Variants in RIMS2 observed in about 807,000 individuals in gnomAD.
The protein encoded by RIMS2 is regulating synaptic membrane exocytosis 2.
Under a neutral mutation model 174.4 loss-of-function variants are expected in RIMS2, and 59 were observed. The observed-to-expected ratio is 0.34, with a 90% CI of 0.27 to 0.42. The LOEUF (loss-of-function observed/expected upper bound fraction) is 0.42. RIMS2 is among the 10% of genes least tolerant of loss of function. The pLI, the probability that RIMS2 is intolerant of heterozygous loss-of-function variation, is 1.00. For missense variants in RIMS2, 1,620 were observed against 1,666.3 expected (o/e 0.97, Z 0.48); for synonymous variants, 606 against 572.5 (o/e 1.06, Z -0.84).
At position 103,967,170 on chromosome 8, in the gene RIMS2, G is replaced by GTTTTTTTTTTTTTTTT. The variant is rs71575988; in HGVS notation, c.2770+6052_2770+6067dup. ...TTTTCTGCCTGCTTGATCTGTTCTT[G>GTTTTTTTTTTTTTTTT]TTTTTTTTTTTTTTTTTTTTTTTTT... On this transcript the variant is annotated intron_variant, in intron 15 of 23. Transcript: ENST00000504942. Among the ~76,000 whole-genome samples the GTTTTTTTTTTTTTTTT allele has an allele frequency of 1.0e-3, 25 of 24,964 alleles. 5 individuals are homozygous for GTTTTTTTTTTTTTTTT. The highest frequency in any genetic ancestry group is 3.0e-3 in the African/African-American group (14 of 4,738). The allele number at this position is 24,964 out of a possible 152,430, so 16.4% of individuals were successfully genotyped here. A position where few individuals can be genotyped will look rare whatever the true frequency, so the allele number is the denominator to read the frequency against.
At chr8:103,970,585 TG>T in intron 15 of RIMS2, among the ~76,000 whole-genome samples, 1 of 152,196 alleles carries the variant, frequency 6.6e-6, no homozygotes, top group East Asian at 1.9e-4. Context: ...CTCTCAGACT[TG>T]TTCTTAACTG....
chr8:104,252,170 A>C (rs974092032), downstream of RIMS2: 4 of 268,588 alleles, frequency 1.5e-5, no homozygotes, highest in African/African-American at 8.8e-5. Flanking sequence ...CTTTTTCTTC[A>C]TTTATCTAAC....
chr8:103,542,297 T>C (rs1356276043), intron 1 of RIMS2, among the ~76,000 whole-genome samples: 1 of 152,052 alleles, frequency 6.6e-6, no homozygotes, highest in Non-Finnish European at 1.5e-5. Flanking sequence ...CATGAAGAAA[T>C]AGAAAAGCTA....
At chr8:103,536,533 C>T (rs1587041353) in intron 1 of RIMS2, among the ~76,000 whole-genome samples, 2 of 152,090 alleles carry the variant, frequency 1.3e-5, no homozygotes, top group Non-Finnish European at 2.9e-5. Flanking sequence ...TCAGGCTGTA[C>T]AGGAAGCATG....
chr8:103,546,569 C>T (rs995736809), intron 1 of RIMS2, among the ~76,000 whole-genome samples: 1 of 152,208 alleles, frequency 6.6e-6, no homozygotes, highest in Admixed American at 6.5e-5. Flanking sequence ...CCAAAACCAA[C>T]AGAATATACA....
chr8:103,910,611 A>C, intron 5 of RIMS2, 82 bp downstream of exon 8: 1 of 773,252 alleles, frequency 1.3e-6, no homozygotes, highest in Non-Finnish European at 2.1e-6. Flanking sequence ...ACAGAACATA[A>C]TAAAAGGACA....
intron 3 of RIMS2, among the ~76,000 whole-genome samples, chr8:103,785,977 C>A (rs1238634816): frequency 6.6e-6 from 1 of 152,200 alleles, no homozygotes; most frequent in Non-Finnish European, 1.5e-5. Flanking sequence ...AGAGATTCAA[C>A]TTCTTCCTGG....
At chr8:103,520,398 C>T (rs1831073098) in intron 1 of RIMS2, among the ~76,000 whole-genome samples, 1 of 152,096 alleles carries the variant, frequency 6.6e-6, no homozygotes, top group South Asian at 2.1e-4. Context: ...TTAAATTCAT[C>T]TGAGTATTTG....
chr8:103,903,037 T>C (rs1192981806), intron 4 of RIMS2, among the ~76,000 whole-genome samples: 4 of 152,098 alleles, frequency 2.6e-5, no homozygotes, highest in Middle Eastern at 3.2e-3. Context: ...AAAAGAGTCA[T>C]AGTTAAATGT....
At chr8:104,236,033 C>G (rs997849175) in intron 19 of RIMS2, among the ~76,000 whole-genome samples, 2 of 151,222 alleles carry the variant, frequency 1.3e-5, no homozygotes, top group Admixed American at 1.3e-4. Context: ...AGAATCCAGA[C>G]AAAACTGTCT....
chr8:103,910,565 C>A, intron 5 of RIMS2, 36 bp downstream of exon 8: 2 of 1,298,464 alleles, frequency 1.5e-6, no homozygotes, highest in South Asian at 1.2e-5. Context: ...TTAACCTGCT[C>A]ATTTGGTCTT....
chr8:103,599,627 G>C (rs539478939), intron 1 of RIMS2, among the ~76,000 whole-genome samples: 62 of 151,046 alleles, frequency 4.1e-4, no homozygotes, highest in African/African-American at 1.5e-3. Context: ...TTTTTGTTTT[G>C]TTTTGTAGAG....
At chr8:103,553,887 AAAT>A (rs1849204897) in intron 1 of RIMS2, among the ~76,000 whole-genome samples, 1 of 152,182 alleles carries the variant, frequency 6.6e-6, no homozygotes, top group Non-Finnish European at 1.5e-5. Context: ...GAGAGCCAAG[AAAT>A]AATGCTACAC....
intron 1 of RIMS2, among the ~76,000 whole-genome samples, chr8:103,576,631 A>G (rs763712011): frequency 1.2e-4 from 19 of 152,214 alleles, no homozygotes; most frequent in Non-Finnish European, 2.5e-4. Context: ...ATCCTAAGTA[A>G]AAAGAACAAA....
intron 3 of RIMS2, among the ~76,000 whole-genome samples, chr8:103,801,303 A>G (rs2098606292): frequency 6.6e-6 from 1 of 152,180 alleles, no homozygotes; most frequent in South Asian, 2.1e-4. Flanking sequence ...GTCTTTAAAG[A>G]CTATGAATTC....
chr8:104,010,955 C>T (rs1002621688), intron 17 of RIMS2, among the ~76,000 whole-genome samples: 4 of 152,018 alleles, frequency 2.6e-5, no homozygotes, highest in African/African-American at 9.7e-5. Context: ...ATATTTTAAG[C>T]CTTGCAAGTA....
rs558130335 is a variant in RIMS2, at chr8:103,542,989, C to A, written c.176+41927C>A. On this transcript the variant is annotated intron_variant, in intron 1 of 23. Coordinates refer to ENST00000504942, the Ensembl canonical transcript of RIMS2. ...ACAAGGATGCCTGCTCCTACCACTT[C>A]TATTCAATATAGTACTGGAAGTTCT... is the stretch of plus-strand genomic sequence containing the variant. 6.6e-5 allele frequency among the ~76,000 whole-genome samples: 10 copies of A among 152,256 alleles called. No individual in the cohort carries two copies. In the South Asian group the frequency reaches 1.7e-3, roughly 25 times the overall value.
At chr8:104,051,262 A>G (rs1348810613) in intron 19 of RIMS2, among the ~76,000 whole-genome samples, 5 of 152,178 alleles carry the variant, frequency 3.3e-5, no homozygotes, top group East Asian at 3.9e-4. Flanking sequence ...GTGTATATAT[A>G]TATATATGTA....
chr8:103,938,503 G>A (rs954736345), intron 13 of RIMS2, among the ~76,000 whole-genome samples: 5 of 152,140 alleles, frequency 3.3e-5, no homozygotes, highest in African/African-American at 1.2e-4. Context: ...CATGGGAATT[G>A]TGGAAATTAC....
Sources: gnomAD v4.1 joint callset for allele counts (sites outside exome capture counted in the v4.1 genomes callset) on GRCh38, gnomAD v4.1.1 for gene constraint, MANE v1.5 for transcripts, NCBI Gene and HGNC (gene_info 2026-07-23, HGNC 2026-07-21) for gene names.